Variants in USH2A observed in about 807,000 individuals in gnomAD.
The protein encoded by USH2A is Usher syndrome 2A (autosomal recessive, mild).
A neutral mutation model predicts 538.9 loss-of-function variants in USH2A; 443 were observed. The ratio of observed to expected loss-of-function variants is 0.82; its 90% confidence interval spans 0.76 to 0.89. The LOEUF is 0.89. Ranked by LOEUF, USH2A falls within the 40% of genes least tolerant of loss-of-function variation. The probability of loss-of-function intolerance (pLI) is 0.00; values close to 1 mark genes in which losing one functional copy is unlikely to be tolerated. For missense variants in USH2A, 6,633 were observed against 6,324.8 expected (o/e 1.05, Z -1.65); for synonymous variants, 2,413 against 2,273.5 (o/e 1.06, Z -1.75).
intron 64 of USH2A, 113 bp from the exon 65 acceptor site, chr1:215,650,914 A>T (rs1005023239): frequency 9.9e-6 from 11 of 1,115,184 alleles, no homozygotes; most frequent in Admixed American, 2.3e-5. Flanking sequence ...AACTAAACAC[A>T]ACAGGAAGAG....
chr1:216,146,163 G>A (rs369940633), intron 21 of USH2A, among the ~76,000 whole-genome samples: 18 of 152,228 alleles, frequency 1.2e-4, no homozygotes, highest in African/African-American at 2.9e-4. Context: ...TCCTCAGACC[G>A]ACCAGCCCAA....
chr1:216,068,729 C>T (rs1012186282), intron 30 of USH2A, among the ~76,000 whole-genome samples: 1 of 151,908 alleles, frequency 6.6e-6, no homozygotes, highest in Admixed American at 6.6e-5. Context: ...GGAAAAAAAG[C>T]GTGAAAATTA....
At chr1:215,633,556 T>C (rs183507976) in intron 70 of USH2A, among the ~76,000 whole-genome samples, 25 of 152,180 alleles carry the variant, frequency 1.6e-4, no homozygotes, top group African/African-American at 6.0e-4. Context: ...GCTGTTTTTT[T>C]AAATGTTGAA....
At chr1:216,085,715 C>T (rs915838207) in intron 24 of USH2A, among the ~76,000 whole-genome samples, 16 of 138,784 alleles carry the variant, frequency 1.2e-4, no homozygotes, top group Non-Finnish European at 2.2e-4. Flanking sequence ...AGGCTGTGTA[C>T]GTGAGTGTGT....
chr1:216,247,019 C>T lies in USH2A; in HGVS notation c.2375G>A (p.Cys792Tyr), dbSNP rs759186102. The change falls in exon 13 of 72, where the codon TGT becomes TAT. Residue 792 changes from cysteine to tyrosine, a missense_variant. By Grantham distance (194) the Cys-to-Tyr change is radical. Coordinates refer to ENST00000307340, the MANE Select transcript of USH2A (RefSeq NM_206933.4). ...AGCTGTGTCACAGTCACAGGCCTTA[C>T]AATTGGTGACATCTAACCCATAAAA... ...ENFYGLDVTN[C>Y]KACDCDTAGS... 2.5e-6 allele frequency: 4 copies of T among 1,614,052 alleles called. No homozygotes were observed. The highest frequency in any genetic ancestry group is 3.4e-6 in the Non-Finnish European group (4 of 1,179,994).
At chr1:216,270,619 C>G (rs2036556000) in intron 11 of USH2A, among the ~76,000 whole-genome samples, 1 of 152,106 alleles carries the variant, frequency 6.6e-6, no homozygotes, top group Non-Finnish European at 1.5e-5. Context: ...CCATCACTAA[C>G]CAGCTATTGT....
chr1:216,277,018 T>C (rs1051886017), intron 11 of USH2A, among the ~76,000 whole-genome samples: 2 of 152,146 alleles, frequency 1.3e-5, no homozygotes, highest in Admixed American at 6.6e-5. Flanking sequence ...TATTCTCATA[T>C]CTATCTATAT....
At chr1:215,836,658 G>A (rs1375448146) in intron 47 of USH2A, among the ~76,000 whole-genome samples, 1 of 136,688 alleles carries the variant, frequency 7.3e-6, no homozygotes, top group Non-Finnish European at 1.6e-5. Context: ...CCAGGTTCAC[G>A]CCATGCTCCT....
intron 62 of USH2A, among the ~76,000 whole-genome samples, chr1:215,678,426 T>C (rs989750158): frequency 6.6e-6 from 1 of 152,202 alleles, no homozygotes; most frequent in African/African-American, 2.4e-5. Flanking sequence ...AGTTCATTCC[T>C]GGCTTCAGGC....
At chr1:215,790,481 G>A (rs890222009) in intron 50 of USH2A, among the ~76,000 whole-genome samples, 199 bp from the exon 51 acceptor site, 1 of 152,116 alleles carries the variant, frequency 6.6e-6, no homozygotes, top group African/African-American at 2.4e-5. Context: ...CACTAATTAG[G>A]AAAAGAACAC....
chr1:216,196,775 A>G, intron 18 of USH2A, 53 bp from the exon 19 acceptor site: 2 of 1,566,162 alleles, frequency 1.3e-6, no homozygotes, highest in South Asian at 2.3e-5. Context: ...TCGTCCCTAT[A>G]TATTTTTAAA....
At chr1:215,789,387 T>A (rs533548907) in intron 51 of USH2A, among the ~76,000 whole-genome samples, 1 of 152,164 alleles carries the variant, frequency 6.6e-6, no homozygotes, top group Non-Finnish European at 1.5e-5. Flanking sequence ...GGTCTTATAA[T>A]GACAAATTAC....
rs77540592 is a variant in USH2A, at chr1:215,984,572, C to G, written c.6805+8448G>C. ...CACTGGGATATATATCTTTGTGCCT[C>G]TTCATCATGTTATGTCAAATTGTAT... On this transcript the variant is annotated intron_variant, in intron 35 of 71. Coordinates refer to ENST00000307340, the MANE Select transcript of USH2A (RefSeq NM_206933.4). Among the ~76,000 whole-genome samples the G allele has an allele frequency of 7.4e-4, 112 of 152,250 alleles. 1 individual carries two copies. The East Asian group carries it at 0.019, about 26-fold the overall frequency.
At chr1:216,033,902 G>C (rs773446538) in intron 32 of USH2A, among the ~76,000 whole-genome samples, 1 of 152,156 alleles carries the variant, frequency 6.6e-6, no homozygotes, top group Non-Finnish European at 1.5e-5. Flanking sequence ...AAAGATTAAT[G>C]CTGGGTTTTT....
chr1:216,050,314 G>T (rs2030703015), intron 30 of USH2A, among the ~76,000 whole-genome samples: 1 of 152,104 alleles, frequency 6.6e-6, no homozygotes, highest in Non-Finnish European at 1.5e-5. Flanking sequence ...TAGTTTCCTA[G>T]TCTGTAAACA....
At chr1:215,933,367 T>C (rs1666410685) in intron 38 of USH2A, among the ~76,000 whole-genome samples, 1 of 151,990 alleles carries the variant, frequency 6.6e-6, no homozygotes, top group South Asian at 2.1e-4. Context: ...TAAATATATC[T>C]AAATTCAATT....
At chr1:215,954,010 T>C (rs574851025) in intron 37 of USH2A, among the ~76,000 whole-genome samples, 47 of 152,172 alleles carry the variant, frequency 3.1e-4, no homozygotes, top group Non-Finnish European at 3.5e-4. Flanking sequence ...AAAACCACAA[T>C]GAGATACCAT....
intron 60 of USH2A, among the ~76,000 whole-genome samples, chr1:215,737,099 C>T (rs1321699468): frequency 6.6e-6 from 1 of 151,850 alleles, no homozygotes; most frequent in Non-Finnish European, 1.5e-5. Context: ...ATATGATACA[C>T]ATCCATATAA....
In USH2A at chr1:215,743,249, G is replaced by A; in HGVS notation, c.11476C>T (p.His3826Tyr). The part of the protein sequence containing the change: ...VTPLAFSVGH[H>Y]QSTLLENLTP... ...AAATTTTCCAGAAGGGTGGATTGATGATGACCAACGGAGAAGGCCAGAGGT... is the reference window on the plus strand; with the variant it reads ...AAATTTTCCAGAAGGGTGGATTGATAATGACCAACGGAGAAGGCCAGAGGT... Residue 3826 changes from histidine to tyrosine, a missense_variant, in exon 59 of 72, where the codon CAT becomes TAT. His to Tyr is a moderately conservative substitution (Grantham distance 83). Transcript: ENST00000307340. 6.2e-7 allele frequency: 1 copy of A among 1,612,268 alleles called. No homozygotes were observed. Among genetic ancestry groups the A allele is most frequent in the Non-Finnish European group, 8.5e-7 (1 of 1,179,428 alleles).
Sources: allele counts gnomAD v4.1 joint callset (sites outside exome capture counted in the v4.1 genomes callset), GRCh38; gene constraint gnomAD v4.1.1; transcripts MANE v1.5; gene names NCBI Gene and HGNC (gene_info 2026-07-23, HGNC 2026-07-21).